Variants in TBL1XR1 observed in about 807,000 individuals in gnomAD.
TBL1XR1 encodes TBL1X/Y related 1, also known as F-box-like/WD repeat-containing protein TBL1XR1.
A neutral mutation model predicts 66.9 loss-of-function variants in TBL1XR1; 5 were observed. The observed-to-expected ratio is 0.07, with a 90% CI of 0.04 to 0.16. TBL1XR1 has a LOEUF of 0.16. TBL1XR1 is among the 10% of genes least tolerant of loss of function. TBL1XR1 has a pLI of 1.00. For synonymous variants in TBL1XR1, 210 were observed against 206.0 expected (o/e 1.02, Z -0.17); for missense variants, 238 against 623.2 (o/e 0.38, Z 6.58).
chr3:177,148,878 C>T (rs1730551508), intron 1 of TBL1XR1, among the ~76,000 whole-genome samples: 1 of 151,686 alleles, frequency 6.6e-6, no homozygotes, highest in African/African-American at 2.4e-5. Flanking sequence ...GTGGTGCGTG[C>T]CTGTGATCCC....
At chr3:177,098,736 C>T (rs1723816483) in intron 1 of TBL1XR1, among the ~76,000 whole-genome samples, 195 bp from the exon 2 acceptor site, 4 of 152,134 alleles carry the variant, frequency 2.6e-5, no homozygotes, top group Admixed American at 2.6e-4. Context: ...GTCTTTAGAA[C>T]GTTCATAAGA....
chr3:177,104,788 A>G (rs1283898089), intron 1 of TBL1XR1, among the ~76,000 whole-genome samples: 1 of 152,250 alleles, frequency 6.6e-6, no homozygotes, highest in Non-Finnish European at 1.5e-5. Context: ...AATTAGTTTC[A>G]CTGGTAACAT....
chr3:177,108,700 T>A (rs1004404913), intron 1 of TBL1XR1, among the ~76,000 whole-genome samples: 1 of 152,168 alleles, frequency 6.6e-6, no homozygotes, highest in Non-Finnish European at 1.5e-5. Context: ...ATCAACTCCC[T>A]AAGCAAAAAA....
At chr3:177,032,333 G>A (rs1211330057) in intron 14 of TBL1XR1, 1 of 152,086 alleles carries the variant, frequency 6.6e-6, no homozygotes, top group Non-Finnish European at 1.5e-5. Context: ...AACCATGGTG[G>A]CGGACACCTA....
intron 3 of TBL1XR1, among the ~76,000 whole-genome samples, chr3:177,056,374 G>A (rs566606577): frequency 3.9e-5 from 6 of 152,176 alleles, no homozygotes; most frequent in African/African-American, 1.4e-4. Context: ...TTTCTGGCTG[G>A]AATGTTGCAG....
At chr3:177,088,313 A>C (rs1274985931) in intron 2 of TBL1XR1, among the ~76,000 whole-genome samples, 1 of 152,210 alleles carries the variant, frequency 6.6e-6, no homozygotes, top group Non-Finnish European at 1.5e-5. Context: ...AGTCACAGTC[A>C]AAACTCTGGT....
intron 1 of TBL1XR1, among the ~76,000 whole-genome samples, chr3:177,152,571 G>A (rs780123186): frequency 2.0e-5 from 3 of 152,136 alleles, no homozygotes; most frequent in Non-Finnish European, 2.9e-5. Flanking sequence ...AGGCGTGAGC[G>A]TGAGCCATGG....
intron 2 of TBL1XR1, among the ~76,000 whole-genome samples, chr3:177,068,368 G>T (rs536339865): frequency 4.6e-5 from 7 of 152,272 alleles, no homozygotes; most frequent in African/African-American, 1.7e-4. Context: ...CTATATTAAT[G>T]TAGCCAAAAG....
At chr3:177,125,179 C>A (rs530097674) in intron 1 of TBL1XR1, among the ~76,000 whole-genome samples, 1 of 152,204 alleles carries the variant, frequency 6.6e-6, no homozygotes, top group South Asian at 2.1e-4. Flanking sequence ...AGATATGAAT[C>A]ATAACATTTG....
At chr3:177,109,310 A>G (rs1274086099) in intron 1 of TBL1XR1, among the ~76,000 whole-genome samples, 4 of 152,212 alleles carry the variant, frequency 2.6e-5, no homozygotes, top group Admixed American at 2.0e-4. Context: ...TCTCCATTAG[A>G]AATGCATTAG....
At chr3:177,181,636 T>C (rs1734836596) in intron 1 of TBL1XR1, among the ~76,000 whole-genome samples, 1 of 151,986 alleles carries the variant, frequency 6.6e-6, no homozygotes, top group African/African-American at 2.4e-5. Context: ...CAGAATCACT[T>C]GTGCAACTGG....
intron 1 of TBL1XR1, among the ~76,000 whole-genome samples, chr3:177,121,490 G>C (rs1331171818): frequency 6.6e-6 from 1 of 152,048 alleles, no homozygotes; most frequent in Non-Finnish European, 1.5e-5. Context: ...GACTTCACAC[G>C]CATCTTTCTT....
chr3:177,090,985 C>G (rs1336967775), intron 2 of TBL1XR1, among the ~76,000 whole-genome samples: 1 of 150,008 alleles, frequency 6.7e-6, no homozygotes, highest in East Asian at 2.0e-4. Context: ...TGACACCCTG[C>G]TGAAAAGAAG....
intron 2 of TBL1XR1, among the ~76,000 whole-genome samples, chr3:177,075,067 A>C (rs1214961356): frequency 1.3e-5 from 2 of 152,256 alleles, no homozygotes; most frequent in Non-Finnish European, 2.9e-5. Context: ...AAACTGGGCC[A>C]CTTAAAATTA....
chr3:177,101,570 T>C (rs1724217533), intron 1 of TBL1XR1, among the ~76,000 whole-genome samples: 1 of 152,204 alleles, frequency 6.6e-6, no homozygotes. Flanking sequence ...AAAAGGGACC[T>C]GAGCTGACTC....
At chr3:177,040,701 A>T (rs1166087643) in intron 10 of TBL1XR1, among the ~76,000 whole-genome samples, 2 of 152,142 alleles carry the variant, frequency 1.3e-5, no homozygotes, top group Non-Finnish European at 2.9e-5. Context: ...GCCTGGCTAA[A>T]GACAAATCAG....
chr3:177,124,296 T>C (rs1423859446), intron 1 of TBL1XR1, among the ~76,000 whole-genome samples: 1 of 152,102 alleles, frequency 6.6e-6, no homozygotes, highest in Non-Finnish European at 1.5e-5. Context: ...ATGGAAATCC[T>C]AGCATAGTCA....
intron 3 of TBL1XR1, among the ~76,000 whole-genome samples, chr3:177,063,025 T>G (rs545934346): frequency 6.6e-6 from 1 of 151,634 alleles, no homozygotes; most frequent in Non-Finnish European, 1.5e-5. Flanking sequence ...TCCCAGCTAC[T>G]TGGGAGGCTG....
intron 1 of TBL1XR1, among the ~76,000 whole-genome samples, chr3:177,101,207 G>C (rs954613401): frequency 1.3e-5 from 2 of 152,146 alleles, no homozygotes; most frequent in Admixed American, 6.5e-5. Flanking sequence ...TTAGATCATA[G>C]CAAGTGAAGA....
Sources: allele counts gnomAD v4.1 joint callset (sites outside exome capture counted in the v4.1 genomes callset), GRCh38; gene constraint gnomAD v4.1.1; transcripts MANE v1.5; gene names NCBI Gene and HGNC (gene_info 2026-07-23, HGNC 2026-07-21).